The following LAMA1 variants were observed in gnomAD, a reference collection of about 807,000 sequenced individuals.
LAMA1 encodes the protein laminin subunit alpha-1.
Under a neutral mutation model 348.7 loss-of-function variants are expected in LAMA1, and 219 were observed. The observed-to-expected ratio is 0.63, with a 90% confidence interval of 0.56 to 0.70. The LOEUF is 0.70. LAMA1 is among the 30% of genes least tolerant of loss of function. LAMA1 has a pLI of 0.00. For missense variants in LAMA1, 3,744 were observed against 3,888.0 expected (o/e 0.96, Z 0.99); for synonymous variants, 1,487 against 1,491.0 (o/e 1.00, Z 0.06).
At position 7,087,168 on chromosome 18, in the gene LAMA1, A is replaced by G. The variant is rs187656341; in HGVS notation, c.62-6711T>C. ...TCAGAAAGATGACAAAAATGTCATA[A>G]TAAGTGGGAATTTTGGTAGCAGTAA... On this transcript the variant is annotated intron_variant, in intron 1 of 62. Coordinates refer to ENST00000389658, the MANE Select transcript of LAMA1 (RefSeq NM_005559.4). 1.3e-4 allele frequency among the ~76,000 whole-genome samples: 20 copies of G among 152,354 alleles called. No individual in the cohort carries two copies. The East Asian group carries it at 3.7e-3, about 28-fold the overall frequency.
chr18:7,040,687 C>T (rs537270800), intron 9 of LAMA1, among the ~76,000 whole-genome samples: 1 of 152,176 alleles, frequency 6.6e-6, no homozygotes, highest in East Asian at 1.9e-4. Context: ...AAAACATACA[C>T]CCACAAAAGT....
intron 57 of LAMA1, among the ~76,000 whole-genome samples, chr18:6,951,673 C>T (rs1244548356): frequency 1.3e-5 from 2 of 152,058 alleles, no homozygotes; most frequent in Non-Finnish European, 2.9e-5. Flanking sequence ...AGGGGTGAAG[C>T]GGGTCCCATC....
chr18:7,026,429 G>A (rs1183166632), intron 16 of LAMA1, among the ~76,000 whole-genome samples: 1 of 152,178 alleles, frequency 6.6e-6, no homozygotes, highest in Non-Finnish European at 1.5e-5. Context: ...GGGGAATTCT[G>A]ATGAAGAGTG....
chr18:7,071,916 C>T (rs2058147661), intron 3 of LAMA1, among the ~76,000 whole-genome samples: 1 of 152,174 alleles, frequency 6.6e-6, no homozygotes, highest in Admixed American at 6.5e-5. Context: ...AAGTGCATAG[C>T]ACAATGTCTG....
At position 6,950,932 on chromosome 18, in the gene LAMA1, G is replaced by T; in HGVS notation, c.8247C>A (p.Ser2749Arg). 1 of 1,614,102 alleles carries T rather than the reference G, an allele frequency of 6.2e-7. No homozygotes were observed. The highest frequency in any genetic ancestry group is 8.5e-7 in the Non-Finnish European group (1 of 1,180,012). Reference sequence around the variant, plus strand: ...GATGAGCCATGTAGTAAATCAGGCCGCTGGAGGCGAACGTGCGGATGCTTA... The same window carrying T: ...GATGAGCCATGTAGTAAATCAGGCCTCTGGAGGCGAACGTGCGGATGCTTA... ...VELSIRTFAS[S>R]GLIYYMAHQN... The change falls in exon 58 of 63, where the codon AGC becomes AGA. Residue 2749 changes from serine to arginine, a missense_variant. Ser to Arg is a moderately radical substitution (Grantham distance 110). Around this residue, in one of 3 missense-constraint regions of LAMA1, gnomAD observed 1,983 missense variants for 1,934.3 expected, o/e 1.03. Coordinates refer to ENST00000389658, the MANE Select transcript of LAMA1 (RefSeq NM_005559.4).
rs1327133723 is a variant in LAMA1, at chr18:7,011,310, T to C, written c.3677A>G (p.Gln1226Arg). 6.2e-7 allele frequency: 1 copy of C among 1,609,966 alleles called. No homozygotes were observed. Among genetic ancestry groups the C allele is most frequent in the Non-Finnish European group, 8.5e-7 (1 of 1,178,918 alleles). ...PFYWRLPQQF[Q>R]GDQLMAYGGK... The stretch of plus-strand genomic sequence containing the variant: ...GGGCGTGCACCTCACCTGGTCTCCT[T>C]GGAACTGCTGCGGCAGCCGCCAGTA... Residue 1226 changes from glutamine (Q) to arginine (R), a missense_variant, in exon 25 of 63, where the codon CAA becomes CGA. Physicochemically the swap from Gln to Arg is conservative, Grantham distance 43. Around this residue, in one of 3 missense-constraint regions of LAMA1, gnomAD observed 1,529 missense variants for 1,689.4 expected, o/e 0.91. Transcript: ENST00000389658.
chr18:7,038,692 A>G lies in LAMA1; in HGVS notation c.1563+118T>C. On this transcript the variant is annotated intron_variant, in intron 11 of 62. Coordinates refer to ENST00000389658, the MANE Select transcript of LAMA1 (RefSeq NM_005559.4). Reference sequence around the variant, plus strand: ...CTTTGACCCACGTCAGTATCATTGCATAGCGATGAGAGTGGTGTCACGGGA... The same window carrying G: ...CTTTGACCCACGTCAGTATCATTGCGTAGCGATGAGAGTGGTGTCACGGGA... 3.0e-6 allele frequency: 4 copies of G among 1,344,308 alleles called. No homozygotes were observed. In the South Asian group the frequency reaches 3.5e-5, roughly 12 times the overall value. The allele number at this position is 1,344,308 out of a possible 1,614,324, so 83.3% of individuals were successfully genotyped here.
At chr18:7,082,403 G>A (rs1045764425) in intron 1 of LAMA1, among the ~76,000 whole-genome samples, 4 of 151,866 alleles carry the variant, frequency 2.6e-5, no homozygotes, top group Non-Finnish European at 5.9e-5. Context: ...TGCTTTATGC[G>A]GAACCAGATG....
intron 16 of LAMA1, among the ~76,000 whole-genome samples, chr18:7,031,659 T>A (rs1400333123): frequency 7.6e-6 from 1 of 131,336 alleles, no homozygotes; most frequent in East Asian, 2.0e-4. Flanking sequence ...CCAGCCTGGG[T>A]GACAAGGTAA....
At chr18:7,041,249 CT>C (rs2058019280) in intron 9 of LAMA1, among the ~76,000 whole-genome samples, 1 of 152,022 alleles carries the variant, frequency 6.6e-6, no homozygotes, top group Non-Finnish European at 1.5e-5. Context: ...AGTTAACCTT[CT>C]TGACTGCTCT....
At chr18:7,059,959 A>G (rs2058096437) in intron 3 of LAMA1, among the ~76,000 whole-genome samples, 2 of 152,222 alleles carry the variant, frequency 1.3e-5, no homozygotes, top group African/African-American at 4.8e-5. Context: ...GAAATGTAAA[A>G]TGACCATTTG....
Position 7,033,860 on chromosome 18 carries a change from G to A in LAMA1, c.2051+619C>T, listed in dbSNP as rs1024732932. Among the ~76,000 whole-genome samples the A allele has an allele frequency of 4.6e-5, 7 of 151,972 alleles. 1 individual carries two copies. The South Asian group carries it at 1.5e-3, about 32-fold the overall frequency. On this transcript the variant is annotated intron_variant, in intron 14 of 62. Coordinates refer to ENST00000389658, the MANE Select transcript of LAMA1 (RefSeq NM_005559.4). ...AATGATTCTCATGCCTCAGCCTCCT[G>A]AATAGCTGGGACTACAGGCATGCGC... is the stretch of plus-strand genomic sequence containing the variant.
At chr18:7,085,488 C>G (rs112640388) in intron 1 of LAMA1, among the ~76,000 whole-genome samples, 45 of 146,924 alleles carry the variant, frequency 3.1e-4, no homozygotes, top group Admixed American at 7.5e-4. Flanking sequence ...GCACGATCTC[C>G]GCTCACTGCA....
intron 44 of LAMA1, 42 bp from the exon 45 acceptor site, chr18:6,976,122 C>T (rs889398624): frequency 4.4e-6 from 7 of 1,609,040 alleles, no homozygotes; most frequent in Middle Eastern, 1.7e-4. Context: ...TTTAGTGACA[C>T]ACACCGGCAG....
intron 1 of LAMA1, among the ~76,000 whole-genome samples, chr18:7,107,279 C>T (rs1366849051): frequency 5.3e-5 from 8 of 152,010 alleles, no homozygotes; most frequent in African/African-American, 1.2e-4. Context: ...CCACCACGCC[C>T]GGCTAATTTT....
intron 1 of LAMA1, among the ~76,000 whole-genome samples, chr18:7,093,266 A>AAT (rs1488425010): frequency 6.6e-6 from 1 of 152,166 alleles, no homozygotes; most frequent in Non-Finnish European, 1.5e-5. Context: ...AATATAAAAA[A>AAT]TTAGCCGGGC....
Position 6,992,445 on chromosome 18 carries a change from G to T in LAMA1, c.5168+116C>A, listed in dbSNP as rs545289926. On this transcript the variant is annotated intron_variant, in intron 36 of 62. Coordinates refer to ENST00000389658, the MANE Select transcript of LAMA1 (RefSeq NM_005559.4). ...CCACAGGGCCCCTTCTCCTCTCTTAGGATATTTCATTTCCAGTGAGCACTT... is the reference window on the plus strand; with the variant it reads ...CCACAGGGCCCCTTCTCCTCTCTTATGATATTTCATTTCCAGTGAGCACTT... The T allele has an allele frequency of 1.3e-5, 15 of 1,158,840 alleles. No homozygotes were observed. The South Asian group carries it at 1.8e-4, about 14-fold the overall frequency. The allele number at this position is 1,158,840 out of a possible 1,614,324, so 71.8% of individuals were successfully genotyped here.
intron 36 of LAMA1, among the ~76,000 whole-genome samples, chr18:6,989,411 G>A (rs2057749436): frequency 6.6e-6 from 1 of 152,166 alleles, no homozygotes; most frequent in South Asian, 2.1e-4. Flanking sequence ...AAAGTAATCA[G>A]TCTGTGTGCT....
rs2057972322 is a variant in LAMA1, at chr18:7,032,092, C to T, written c.2248G>A (p.Glu750Lys). 2 of 1,614,064 alleles carry T rather than the reference C, an allele frequency of 1.2e-6. No homozygotes were observed. The highest frequency in any genetic ancestry group is 1.1e-5 in the South Asian group (1 of 91,090). Residue 750 changes from glutamate (E) to lysine (K), a missense_variant, in exon 16 of 63, where the codon GAG (glutamate) becomes AAG (lysine). By Grantham distance (56) the Glu-to-Lys change is moderately conservative. Around this residue, in one of 3 missense-constraint regions of LAMA1, gnomAD observed 1,529 missense variants for 1,689.4 expected, o/e 0.91. Transcript: ENST00000389658. ...ATGCAAACGCCGTGAACATTACACT[C>T]AGCTGCATGGCCGTGGCATTCACAG... ...QPCECHGHAA[E>K]CNVHGVCIAC... is the part of the protein sequence containing the mutation.
Sources: allele counts gnomAD v4.1 joint callset (sites outside exome capture counted in the v4.1 genomes callset), GRCh38; gene constraint gnomAD v4.1.1; regional missense constraint gnomAD v4.1.1; transcripts MANE v1.5; gene names NCBI Gene and HGNC (gene_info 2026-07-23, HGNC 2026-07-21).